Variants in NKAIN3 observed in about 807,000 individuals in gnomAD.
NKAIN3 encodes sodium/potassium-transporting ATPase subunit beta-1-interacting protein 3.
A neutral mutation model predicts 30.2 loss-of-function variants in NKAIN3; 25 were observed. The observed-to-expected ratio is 0.83, with a 90% CI of 0.60 to 1.16. The LOEUF is 1.16. Ranked by LOEUF, NKAIN3 falls within the 50% of genes most tolerant of loss-of-function variation. The pLI, the probability that NKAIN3 is intolerant of heterozygous loss-of-function variation, is 0.00. For synonymous variants in NKAIN3, 91 were observed against 89.6 expected (o/e 1.02, Z -0.09); for missense variants, 225 against 254.1 (o/e 0.89, Z 0.78).
chr8:62,644,581 G>T (rs1314659359), intron 3 of NKAIN3, among the ~76,000 whole-genome samples: 1 of 152,044 alleles, frequency 6.6e-6, no homozygotes, highest in African/African-American at 2.4e-5. Context: ...CTTTTTAAAG[G>T]TTAGGTGAAT....
chr8:62,395,669 A>T (rs1295106115), intron 1 of NKAIN3, among the ~76,000 whole-genome samples: 3 of 152,220 alleles, frequency 2.0e-5, no homozygotes, highest in Non-Finnish European at 4.4e-5. Flanking sequence ...ATCCACACAC[A>T]TACATATATA....
At chr8:62,929,472 C>T (rs1822553281) in intron 5 of NKAIN3, among the ~76,000 whole-genome samples, 1 of 152,140 alleles carries the variant, frequency 6.6e-6, no homozygotes, top group Non-Finnish European at 1.5e-5. Context: ...TTCTTTTTTA[C>T]TTAAGGAAAA....
chr8:62,407,401 G>GTTT lies in NKAIN3; in HGVS notation c.54+158290_54+158292dup, dbSNP rs10660478. On this transcript the variant is annotated intron_variant, in intron 1 of 6. Coordinates refer to ENST00000623646, the MANE Select transcript of NKAIN3 (RefSeq NM_001304533.3). ...TATTATCTGACAAGACTAGATAGTT[G>GTTT]TTTTTTTTTTTTTTTTTTGAGACGG... Among the ~76,000 whole-genome samples, 347 of 118,624 alleles carry GTTT rather than the reference G, an allele frequency of 2.9e-3. 18 individuals are homozygous for GTTT. Among genetic ancestry groups the GTTT allele is most frequent in the African/African-American group, 8.2e-3 (246 of 29,914 alleles). 77.8% of individuals were successfully genotyped at this position (118,624 alleles called of 152,430 possible).
At chr8:62,854,473 C>G (rs1820002950) in intron 4 of NKAIN3, among the ~76,000 whole-genome samples, 1 of 152,120 alleles carries the variant, frequency 6.6e-6, no homozygotes, top group Non-Finnish European at 1.5e-5. Flanking sequence ...TCCTTTTGAT[C>G]TTTGTTAGTT....
At chr8:62,482,327 G>C (rs915321926) in intron 1 of NKAIN3, 1 of 152,324 alleles carries the variant, frequency 6.6e-6, no homozygotes, top group African/African-American at 2.4e-5. Context: ...AAAGGGAGAG[G>C]GAAGGCCATC....
At chr8:62,532,678 G>A (rs2129847564) in intron 1 of NKAIN3, among the ~76,000 whole-genome samples, 1 of 152,250 alleles carries the variant, frequency 6.6e-6, no homozygotes, top group African/African-American at 2.4e-5. Flanking sequence ...AGTGAGTGTT[G>A]TTAAAATCTC....
chr8:62,855,847 C>T, intron 4 of NKAIN3: 1 of 787,208 alleles, frequency 1.3e-6, no homozygotes, highest in Non-Finnish European at 2.3e-6. Context: ...AATTTCTGGT[C>T]ATCCAACTCC....
intron 1 of NKAIN3, among the ~76,000 whole-genome samples, chr8:62,530,609 C>T (rs1488975074): frequency 3.3e-5 from 5 of 151,842 alleles, no homozygotes; most frequent in East Asian, 1.9e-4. Flanking sequence ...CTGGTACATA[C>T]GTATGTATGT....
intron 5 of NKAIN3, among the ~76,000 whole-genome samples, chr8:62,949,648 G>C (rs904385692): frequency 1.3e-5 from 2 of 152,180 alleles, no homozygotes; most frequent in African/African-American, 4.8e-5. Context: ...CTCAGGTTCT[G>C]AGAATGGGTG....
intron 4 of NKAIN3, among the ~76,000 whole-genome samples, chr8:62,844,287 T>C (rs1484743020): frequency 2.0e-5 from 3 of 152,160 alleles, no homozygotes; most frequent in Non-Finnish European, 4.4e-5. Flanking sequence ...GGGGGAACTC[T>C]CCAGAGTTAC....
chr8:62,861,936 GA>G (rs1209965073), intron 4 of NKAIN3, among the ~76,000 whole-genome samples: 1 of 152,186 alleles, frequency 6.6e-6, no homozygotes, highest in East Asian at 1.9e-4. Context: ...GAGGATTCCT[GA>G]AAACACATAA....
intron 2 of NKAIN3, among the ~76,000 whole-genome samples, chr8:62,585,230 G>A (rs754777206): frequency 1.1e-4 from 17 of 152,084 alleles, no homozygotes; most frequent in Non-Finnish European, 2.2e-4. Flanking sequence ...GTAGTGTTGC[G>A]AGCTCCTGCC....
At chr8:62,896,164 GC>G (rs1233522230) in intron 4 of NKAIN3, among the ~76,000 whole-genome samples, 13 of 151,942 alleles carry the variant, frequency 8.6e-5, no homozygotes, top group Non-Finnish European at 1.5e-4. Context: ...TCGGGTGAGG[GC>G]CCCCCTCTTG....
intron 1 of NKAIN3, among the ~76,000 whole-genome samples, chr8:62,546,349 C>CA (rs199838863): frequency 2.6e-5 from 4 of 151,622 alleles, no homozygotes; most frequent in Non-Finnish European, 5.9e-5. Context: ...CACTGGCTAC[C>CA]AAAAAAAAGC....
chr8:62,405,005 A>G, intron 1 of NKAIN3, among the ~76,000 whole-genome samples: 1 of 151,964 alleles, frequency 6.6e-6, no homozygotes. Flanking sequence ...CCTTCCTTTT[A>G]AGGAAGAGGG....
At chr8:62,649,457 T>C (rs1266969644) in intron 3 of NKAIN3, among the ~76,000 whole-genome samples, 2 of 152,178 alleles carry the variant, frequency 1.3e-5, no homozygotes, top group East Asian at 1.9e-4. Flanking sequence ...GAAGACTGAA[T>C]ATATTTAAAT....
intron 2 of NKAIN3, among the ~76,000 whole-genome samples, chr8:62,581,291 G>T (rs2130068148): frequency 6.6e-6 from 1 of 152,152 alleles, no homozygotes; most frequent in South Asian, 2.1e-4. Context: ...AATTCTAAAT[G>T]TGTTCTAGTT....
At chr8:62,389,580 C>T (rs1390847567) in intron 1 of NKAIN3, among the ~76,000 whole-genome samples, 1 of 152,184 alleles carries the variant, frequency 6.6e-6, no homozygotes, top group African/African-American at 2.4e-5. Flanking sequence ...TCCCATTGCT[C>T]TTTCTGACAT....
At chr8:62,583,914 TA>T (rs1329830759) in intron 2 of NKAIN3, among the ~76,000 whole-genome samples, 2 of 152,196 alleles carry the variant, frequency 1.3e-5, no homozygotes, top group Non-Finnish European at 2.9e-5. Flanking sequence ...AATTGCCTTT[TA>T]AAAAAGAGCA....
Sources: allele counts gnomAD v4.1 joint callset (sites outside exome capture counted in the v4.1 genomes callset), GRCh38; gene constraint gnomAD v4.1.1; transcripts MANE v1.5; gene names NCBI Gene and HGNC (gene_info 2026-07-23, HGNC 2026-07-21).